LARGE1: variants seen among roughly 807,000 people sequenced by gnomAD.
LARGE1 encodes xylosyl- and glucuronyltransferase LARGE1.
LARGE1 carries 43 observed loss-of-function variants against 87.6 expected under a neutral mutation model. The ratio of observed to expected loss-of-function variants is 0.49; its 90% confidence interval spans 0.38 to 0.63. The LOEUF is 0.63. Among genes scored for constraint, LARGE1 ranks in the 30% least tolerant of loss-of-function variants. The pLI is 0.00. For missense variants in LARGE1, 802 were observed against 1,000.2 expected (o/e 0.80, Z 2.67); for synonymous variants, 434 against 394.6 (o/e 1.10, Z -1.18).
At chr22:33,576,054 T>C (rs1285554634) in intron 5 of LARGE1, among the ~76,000 whole-genome samples, 2 of 152,180 alleles carry the variant, frequency 1.3e-5, no homozygotes, top group African/African-American at 2.4e-5. Context: ...TCTTCACTAA[T>C]AGATTTTTCA....
chr22:33,316,645 G>A (rs753963817), intron 10 of LARGE1, among the ~76,000 whole-genome samples: 4 of 152,174 alleles, frequency 2.6e-5, no homozygotes, highest in Non-Finnish European at 5.9e-5. Context: ...GCTGAGGTGG[G>A]AGAATCACCT....
intron 1 of LARGE1, among the ~76,000 whole-genome samples, chr22:33,814,180 T>C (rs956964308): frequency 1.3e-5 from 2 of 152,180 alleles, no homozygotes; most frequent in Non-Finnish European, 2.9e-5. Context: ...GCTAGTCAGA[T>C]GGACTGTCAA....
In LARGE1 at chr22:33,758,220, T is replaced by C. The variant is rs947654313; in HGVS notation, c.106+3151A>G. The stretch of plus-strand genomic sequence containing the variant: ...TTTGTCTGTTTGCTGAAGCTGAGCA[T>C]GTACACCCTGAGCCTCTGCTTCTCC... On this transcript the variant is annotated intron_variant, in intron 2 of 14. Transcript: ENST00000397394. 3.9e-5 allele frequency among the ~76,000 whole-genome samples: 6 copies of C among 152,192 alleles called. 1 individual carries two copies. Among genetic ancestry groups the C allele is most frequent in the South Asian group, 4.1e-4 (2 of 4,820 alleles).
chr22:33,267,932 G>A (rs892575391), downstream of LARGE1, among the ~76,000 whole-genome samples: 2 of 150,906 alleles, frequency 1.3e-5, no homozygotes, highest in African/African-American at 2.5e-5. Flanking sequence ...AGATTATGTG[G>A]ACCCATACAT....
At chr22:33,260,652 C>T (rs1285440826) in intron 11 of LARGE1, among the ~76,000 whole-genome samples, 2 of 152,214 alleles carry the variant, frequency 1.3e-5, no homozygotes, top group African/African-American at 4.8e-5. Context: ...CTTCAGTGAA[C>T]CGAGAGCCTC....
chr22:33,203,345 C>A (rs904503625), intron 11 of LARGE1, among the ~76,000 whole-genome samples: 1 of 152,186 alleles, frequency 6.6e-6, no homozygotes, highest in Non-Finnish European at 1.5e-5. Flanking sequence ...CGAGCCTGAT[C>A]TCCCAGGAGA....
chr22:33,309,373 G>C (rs183703038), intron 11 of LARGE1, among the ~76,000 whole-genome samples: 4 of 152,240 alleles, frequency 2.6e-5, no homozygotes, highest in East Asian at 3.9e-4. Flanking sequence ...CGCCATGTTG[G>C]CCAGGCTGGT....
intron 1 of LARGE1, among the ~76,000 whole-genome samples, chr22:33,829,155 C>T (rs1271627380): frequency 2.0e-5 from 3 of 151,768 alleles, no homozygotes; most frequent in East Asian, 3.9e-4. Context: ...ATTACAGGCA[C>T]GTGCCACCGT....
intron 10 of LARGE1, among the ~76,000 whole-genome samples, chr22:33,321,965 C>G (rs994001740): frequency 6.6e-6 from 1 of 152,076 alleles, no homozygotes; most frequent in Non-Finnish European, 1.5e-5. Flanking sequence ...ATTACAGGTG[C>G]GCACCACCAT....
rs2080409495 is a variant in LARGE1, at chr22:33,640,916, T to C, written c.408+9451A>G. Among the ~76,000 whole-genome samples the C allele has an allele frequency of 1.3e-5, 2 of 152,130 alleles. 1 individual carries two copies. Among genetic ancestry groups the C allele is most frequent in the Admixed American group, 1.3e-4 (2 of 15,276 alleles). ...TCTGAAAGAAAGGCAGCAGCTCCAG[T>C]CAGGGGCTTATAGATAAAACTCCCA... On this transcript the variant is annotated intron_variant, in intron 3 of 14. Coordinates refer to ENST00000397394, the MANE Select transcript of LARGE1 (RefSeq NM_133642.5).
At chr22:33,479,738 G>T (rs1261468068) in intron 6 of LARGE1, among the ~76,000 whole-genome samples, 1 of 149,388 alleles carries the variant, frequency 6.7e-6, no homozygotes, top group Non-Finnish European at 1.5e-5. Flanking sequence ...ACTAACAAAA[G>T]TAATGACTTT....
At chr22:33,528,045 T>A (rs1179807251) in intron 6 of LARGE1, among the ~76,000 whole-genome samples, 1 of 148,074 alleles carries the variant, frequency 6.8e-6, no homozygotes, top group African/African-American at 2.5e-5. Flanking sequence ...AAAAAACCCA[T>A]ATGAGTAAAA....
chr22:33,494,634 A>G (rs879655016), intron 6 of LARGE1, among the ~76,000 whole-genome samples: 1 of 152,184 alleles, frequency 6.6e-6, no homozygotes, highest in African/African-American at 2.4e-5. Flanking sequence ...GATATTCACA[A>G]CTACCCTAAC....
intron 7 of LARGE1, among the ~76,000 whole-genome samples, chr22:33,416,626 C>T (rs558325700): frequency 1.5e-4 from 23 of 151,886 alleles, no homozygotes; most frequent in Non-Finnish European, 2.6e-4. Context: ...TTTTTTGAGA[C>T]GGAGTCTCGC....
At chr22:33,083,261 C>T in the LARGE1 span, among the ~76,000 whole-genome samples, 1 of 152,134 alleles carries the variant, frequency 6.6e-6, no homozygotes, top group Non-Finnish European at 1.5e-5. Context: ...CTATGCTAGG[C>T]TGCCATAATT....
chr22:33,749,691 C>T (rs1212213934), intron 2 of LARGE1, among the ~76,000 whole-genome samples: 2 of 152,182 alleles, frequency 1.3e-5, no homozygotes, highest in Non-Finnish European at 2.9e-5. Flanking sequence ...AAAATGCAAA[C>T]TGCATTAAAG....
At chr22:33,395,717 T>G (rs56021884) in intron 7 of LARGE1, among the ~76,000 whole-genome samples, 90 of 152,340 alleles carry the variant, frequency 5.9e-4, no homozygotes, top group Admixed American at 3.9e-3. Context: ...CTCCTTTGAA[T>G]GAGGTTCAGA....
chr22:33,265,248 G>C (rs1215666723), intron 11 of LARGE1, among the ~76,000 whole-genome samples: 1 of 151,976 alleles, frequency 6.6e-6, no homozygotes, highest in Non-Finnish European at 1.5e-5. Flanking sequence ...TAAGTTCTTG[G>C]ACTGCCTCTA....
At chr22:33,497,968 C>T (rs1280789591) in intron 6 of LARGE1, among the ~76,000 whole-genome samples, 2 of 152,092 alleles carry the variant, frequency 1.3e-5, no homozygotes, top group African/African-American at 2.4e-5. Flanking sequence ...CTGCAACCTC[C>T]GCCTCCTACG....
Sources: allele counts gnomAD v4.1 joint callset (sites outside exome capture counted in the v4.1 genomes callset), GRCh38; gene constraint gnomAD v4.1.1; transcripts MANE v1.5; gene names NCBI Gene and HGNC (gene_info 2026-07-23, HGNC 2026-07-21).